Variants in NUS1 observed in about 807,000 individuals in gnomAD.
NUS1 encodes NUS1 dehydrodolichyl diphosphate synthase subunit.
For synonymous variants in NUS1, 135 were observed against 155.2 expected (o/e 0.87, Z 0.97); for missense variants, 292 against 382.9 (o/e 0.76, Z 1.98).
At chr6:117,698,884 A>T (rs1231772704) in intron 3 of NUS1, among the ~76,000 whole-genome samples, 1 of 152,172 alleles carries the variant, frequency 6.6e-6, no homozygotes, top group African/African-American at 2.4e-5. Flanking sequence ...AATATGATAT[A>T]TTGACAGTAT....
rs146116464 is a variant in NUS1, at chr6:117,703,542, CTGTG to C, written c.692-50_692-47del. On this transcript the variant is annotated intron_variant, in intron 3 of 4. Transcript: ENST00000368494. Reference sequence around the variant, plus strand: ...CATTTTGCCCATGATCTGTGTGTTTCTGTGTGTGTGTGTGTGCACATGCAGTGCA... The same window carrying C: ...CATTTTGCCCATGATCTGTGTGTTTCTGTGTGTGTGTGCACATGCAGTGCA... The C allele has an allele frequency of 4.9e-4, 540 of 1,100,278 alleles. No individual in the cohort carries two copies. The African/African-American group carries it at 7.0e-3, about 14-fold the overall frequency. 68.2% of individuals were successfully genotyped at this position (1,100,278 alleles called of 1,614,324 possible).
At chr6:117,695,636 C>A (rs1442467475) in intron 3 of NUS1, among the ~76,000 whole-genome samples, 1 of 152,188 alleles carries the variant, frequency 6.6e-6, no homozygotes, top group East Asian at 1.9e-4. Flanking sequence ...AAAATGTACA[C>A]AATTCTTAAC....
chr6:117,691,552 G>GATATATATATATATATATATAT (rs1236328961), intron 1 of NUS1, among the ~76,000 whole-genome samples: 2 of 37,552 alleles, frequency 5.3e-5, no homozygotes, highest in Non-Finnish European at 1.3e-4. Context: ...CTGTGCCATA[G>GATATATATATATATATATATAT]ATATAGATAT....
intron 1 of NUS1, among the ~76,000 whole-genome samples, chr6:117,682,204 T>TA (rs1034591927): frequency 6.2e-4 from 94 of 152,230 alleles, no homozygotes; most frequent in African/African-American, 2.2e-3. Context: ...TCCCCAGTCT[T>TA]ACTCTGTCTT....
At chr6:117,691,505 C>T (rs185704154) in intron 1 of NUS1, among the ~76,000 whole-genome samples, 11 of 148,190 alleles carry the variant, frequency 7.4e-5, no homozygotes, top group African/African-American at 2.7e-4. Context: ...ACATATACTT[C>T]TGGCTTGGCA....
At chr6:117,681,062 T>C (rs1043777659) in intron 1 of NUS1, among the ~76,000 whole-genome samples, 13 of 152,184 alleles carry the variant, frequency 8.5e-5, no homozygotes, top group African/African-American at 3.1e-4. Context: ...CTCCCTCTTC[T>C]CCTTTTTCTG....
At chr6:117,701,203 A>G (rs1006030550) in intron 3 of NUS1, among the ~76,000 whole-genome samples, 1 of 151,028 alleles carries the variant, frequency 6.6e-6, no homozygotes, top group African/African-American at 2.4e-5. Flanking sequence ...CTTCCAGTTC[A>G]TGATCATAGT....
chr6:117,704,963 C>T (rs2498586), intron 4 of NUS1, among the ~76,000 whole-genome samples: 41,581 of 151,964 alleles, frequency 0.27, 6,863 homozygotes, highest in East Asian at 0.61. Context: ...TGGGGATCAT[C>T]ATAACCTGGG....
chr6:117,693,298 C>A lies in NUS1; in HGVS notation c.541+131C>A. 4 of 1,006,320 alleles carry A rather than the reference C, an allele frequency of 4.0e-6. No individual in the cohort carries two copies. In the South Asian group the frequency reaches 4.5e-5, roughly 11 times the overall value. 62.3% of individuals were successfully genotyped at this position (1,006,320 alleles called of 1,614,324 possible). ...ACTCTTTATTGTCAACATCTTTAAT[C>A]ATCAGATTTAGACTTTCTCGTCTTA... On this transcript the variant is annotated intron_variant, in intron 2 of 4. Coordinates refer to ENST00000368494, the MANE Select transcript of NUS1 (RefSeq NM_138459.5).
At chr6:117,682,857 T>TC (rs1773082480) in intron 1 of NUS1, among the ~76,000 whole-genome samples, 1 of 152,218 alleles carries the variant, frequency 6.6e-6, no homozygotes, top group African/African-American at 2.4e-5. Context: ...AGTAGTCACT[T>TC]TTAGTACTGT....
intron 1 of NUS1, 23 bp downstream of exon 1, chr6:117,676,108 G>C: frequency 6.5e-7 from 1 of 1,550,160 alleles, no homozygotes; most frequent in Non-Finnish European, 8.7e-7. Flanking sequence ...GCGGTGGTGG[G>C]GGGTGGCCGA....
At chr6:117,692,834 T>C (rs1318326098) in intron 1 of NUS1, among the ~76,000 whole-genome samples, 1 of 152,114 alleles carries the variant, frequency 6.6e-6, no homozygotes, top group African/African-American at 2.4e-5. Flanking sequence ...TAGTTACCTC[T>C]GTTCTTTTTT....
At chr6:117,706,446 A>G in intron 4 of NUS1, among the ~76,000 whole-genome samples, 1 of 152,228 alleles carries the variant, frequency 6.6e-6, no homozygotes. Flanking sequence ...CTAGCTTTGC[A>G]TTAATCTGAG....
chr6:117,700,321 T>C (rs1310854604), intron 3 of NUS1, among the ~76,000 whole-genome samples: 1 of 152,204 alleles, frequency 6.6e-6, no homozygotes, highest in Non-Finnish European at 1.5e-5. Flanking sequence ...ATTTTTTAAA[T>C]AGGCAAAAGA....
intron 3 of NUS1, among the ~76,000 whole-genome samples, chr6:117,699,574 A>G (rs1309588912): frequency 6.6e-6 from 1 of 152,148 alleles, no homozygotes; most frequent in Non-Finnish European, 1.5e-5. Context: ...TACCCAAAGC[A>G]ATCTGCAGTC....
Position 117,690,767 on chromosome 6 carries a change from G to A in NUS1, c.416-2275G>A, listed in dbSNP as rs191998468. Among the ~76,000 whole-genome samples the A allele has an allele frequency of 5.0e-3, 762 of 152,034 alleles. 11 individuals are homozygous for A. Among genetic ancestry groups the A allele is most frequent in the Middle Eastern group, 6.8e-3 (2 of 294 alleles). Reference sequence around the variant, plus strand: ...AGCACTTTGGGAGGCCGAGGTGGGCGGATCACGAGGTCCGGAGGTCAAGAC... The same window carrying A: ...AGCACTTTGGGAGGCCGAGGTGGGCAGATCACGAGGTCCGGAGGTCAAGAC... On this transcript the variant is annotated intron_variant, in intron 1 of 4. Transcript: ENST00000368494.
At chr6:117,695,569 G>A (rs1217403241) in intron 3 of NUS1, among the ~76,000 whole-genome samples, 2 of 152,188 alleles carry the variant, frequency 1.3e-5, no homozygotes, top group South Asian at 4.1e-4. Flanking sequence ...ATGGGAAAGC[G>A]CTAATGTTTA....
chr6:117,709,939 A>G lies in NUS1; in HGVS notation c.*2924A>G, dbSNP rs374639036. The G allele has an allele frequency of 1.9e-4, 29 of 152,406 alleles. No homozygotes were observed. The highest frequency in any genetic ancestry group is 6.8e-4 in the African/African-American group (28 of 41,446). The allele number at this position is 152,406 out of a possible 1,614,324, so 9.4% of individuals were successfully genotyped here. A position where few individuals can be genotyped will look rare whatever the true frequency, so the allele number is the denominator to read the frequency against. On this transcript the variant is annotated 3_prime_UTR_variant, in exon 5 of 5. Transcript: ENST00000368494. The stretch of plus-strand genomic sequence containing the variant: ...TTTTTAGATGGTATGCTCTTGATTG[A>G]AATATATTCTCACTTTTACCAGGTT...
At chr6:117,691,423 GA>G (rs1773214573) in intron 1 of NUS1, among the ~76,000 whole-genome samples, 1 of 151,378 alleles carries the variant, frequency 6.6e-6, no homozygotes, top group Non-Finnish European at 1.5e-5. Context: ...TTAACCTTCA[GA>G]GTTCATCTCA....
Sources: gnomAD v4.1 joint callset for allele counts (sites outside exome capture counted in the v4.1 genomes callset) on GRCh38, gnomAD v4.1.1 for gene constraint, MANE v1.5 for transcripts, NCBI Gene and HGNC (gene_info 2026-07-23, HGNC 2026-07-21) for gene names.